MAP4K4: variants seen among roughly 807,000 people sequenced by gnomAD.
MAP4K4 encodes the protein mitogen-activated protein kinase kinase kinase kinase 4.
Under a neutral mutation model 189.6 loss-of-function variants are expected in MAP4K4, and 38 were observed. That is an observed-to-expected ratio of 0.20 (90% CI 0.15 to 0.26). The LOEUF is 0.26. Among genes scored for constraint, MAP4K4 ranks in the 10% least tolerant of loss-of-function variants. MAP4K4 has a pLI of 1.00. For synonymous variants in MAP4K4, 610 were observed against 624.3 expected, an observed-to-expected ratio of 0.98 and a Z score of 0.34; for missense variants, 1,054 against 1,726.9, an observed-to-expected ratio of 0.61 and a Z score of 6.91.
In MAP4K4 at chr2:101,887,954, GA is replaced by G; in HGVS notation, c.3931+20del. 2 of 1,566,204 alleles carry G rather than the reference GA, an allele frequency of 1.3e-6. No individual in the cohort carries two copies. The highest frequency in any genetic ancestry group is 1.2e-5 in the South Asian group (1 of 82,326). ...CATCAGTAGGTATGGAGAACTTGGG[GA>G]AAGGCAGCATTTGTGAAAATGGAGC... is the stretch of plus-strand genomic sequence containing the variant. On this transcript the variant is annotated intron_variant, in intron 31 of 32. Coordinates refer to ENST00000324219, the Ensembl canonical transcript of MAP4K4.
chr2:101,746,264 A>G (rs2149856679), intron 2 of MAP4K4, among the ~76,000 whole-genome samples: 1 of 149,182 alleles, frequency 6.7e-6, no homozygotes, highest in Admixed American at 6.7e-5. Context: ...TGTGATTGCA[A>G]GTGTGAGCCA....
At position 101,710,310 on chromosome 2, in the gene MAP4K4, A is replaced by C. The variant is rs923142239; in HGVS notation, c.123+11772A>C. On this transcript the variant is annotated intron_variant, in intron 2 of 32. Transcript: ENST00000324219. ...GCATATTAGAGCATCTTAGTTCTCT[A>C]TATGTACACATTTTCTCATTTATTC... Among the ~76,000 whole-genome samples, 42 of 152,334 alleles carry C rather than the reference A, an allele frequency of 2.8e-4. 1 individual carries two copies. Among genetic ancestry groups the C allele is most frequent in the African/African-American group, 1.0e-3 (42 of 41,572 alleles).
At chr2:101,829,509 G>A in exon 6 of MAP4K4, 1 of 1,607,484 alleles carries the variant, frequency 6.2e-7, no homozygotes, top group Non-Finnish European at 8.5e-7. Flanking sequence ...TTCAGGGACT[G>A]GCACATCTTC....
At chr2:101,829,380 G>A in intron 5 of MAP4K4, 124 bp from the exon 6 acceptor site, 1 of 635,504 alleles carries the variant, frequency 1.6e-6, no homozygotes, top group Non-Finnish European at 2.9e-6. Flanking sequence ...CTAAGACGAA[G>A]TTAATGTTCA....
intron 12 of MAP4K4, among the ~76,000 whole-genome samples, chr2:101,853,377 A>G (rs1460195683): frequency 6.6e-6 from 1 of 152,212 alleles, no homozygotes; most frequent in East Asian, 1.9e-4. Context: ...TTATCCTTGG[A>G]AAGAGAAGAT....
chr2:101,734,526 C>T (rs1277882050), intron 2 of MAP4K4, among the ~76,000 whole-genome samples: 1 of 152,166 alleles, frequency 6.6e-6, no homozygotes, highest in African/African-American at 2.4e-5. Context: ...CAGATACATA[C>T]CAGTTCAGCC....
At chr2:101,827,762 T>C (rs1052387006) in intron 5 of MAP4K4, among the ~76,000 whole-genome samples, 1 of 152,206 alleles carries the variant, frequency 6.6e-6, no homozygotes, top group African/African-American at 2.4e-5. Context: ...AGTATCTTCA[T>C]ATTGAACATG....
intron 3 of MAP4K4, among the ~76,000 whole-genome samples, chr2:101,791,885 A>T (rs2092932997): frequency 6.6e-6 from 1 of 152,214 alleles, no homozygotes; most frequent in Non-Finnish European, 1.5e-5. Flanking sequence ...TCTCTGTTAA[A>T]GAGAATAATG....
chr2:101,788,631 T>C (rs1028769328), intron 2 of MAP4K4, among the ~76,000 whole-genome samples: 64 of 152,166 alleles, frequency 4.2e-4, no homozygotes, highest in African/African-American at 1.5e-3. Context: ...TGTCACATGG[T>C]CTGGCCTCAT....
intron 3 of MAP4K4, among the ~76,000 whole-genome samples, chr2:101,793,656 T>A (rs1324692683): frequency 6.6e-6 from 1 of 151,820 alleles, no homozygotes; most frequent in Non-Finnish European, 1.5e-5. Context: ...AATCACAGAT[T>A]GGTTCTGACT....
intron 2 of MAP4K4, among the ~76,000 whole-genome samples, chr2:101,734,568 C>T (rs7597661): frequency 0.076 from 9,972 of 132,006 alleles, 407 homozygotes; most frequent in African/African-American, 0.14. Context: ...AGTGCTTGGT[C>T]GTTACCCATT....
At position 101,829,488 on chromosome 2, in the gene MAP4K4, T is replaced by C. The variant is rs2096524402; in HGVS notation, c.418-16T>C. On this transcript the variant is annotated splice_polypyrimidine_tract_variant and intron_variant, in intron 5 of 32. Coordinates refer to ENST00000324219, the Ensembl canonical transcript of MAP4K4. ...GTCACAGAAAACTAAAATTCAGGTC[T>C]GTCTTTCCTATTCAGGGACTGGCAC... 6.3e-7 allele frequency: 1 copy of C among 1,580,670 alleles called. No homozygotes were observed. The highest frequency in any genetic ancestry group is 8.7e-7 in the Non-Finnish European group (1 of 1,155,542).
At chr2:101,813,350 CG>C (rs559405186) in intron 3 of MAP4K4, among the ~76,000 whole-genome samples, 1 of 152,180 alleles carries the variant, frequency 6.6e-6, no homozygotes, top group South Asian at 2.1e-4. Context: ...TGTCTCAGAG[CG>C]AAAACACTAA....
intron 23 of MAP4K4, 91 bp from the exon 24 acceptor site, chr2:101,871,403 A>T: frequency 9.9e-7 from 1 of 1,006,438 alleles, no homozygotes; most frequent in Non-Finnish European, 1.4e-6. Context: ...AGAGTTTATA[A>T]GTCACACAGC....
intron 3 of MAP4K4, among the ~76,000 whole-genome samples, chr2:101,821,560 T>G (rs1576244200): frequency 6.6e-6 from 1 of 152,236 alleles, no homozygotes; most frequent in South Asian, 2.1e-4. Context: ...AAAAGTGGTA[T>G]TTCCGCATAG....
At chr2:101,873,940 C>A in intron 25 of MAP4K4, 142 bp from the exon 26 acceptor site, 1 of 818,506 alleles carries the variant, frequency 1.2e-6, no homozygotes, top group Non-Finnish European at 1.9e-6. Flanking sequence ...TTCCTTTTTC[C>A]ATATACATTG....
chr2:101,724,748 A>G (rs976624055), intron 2 of MAP4K4, among the ~76,000 whole-genome samples: 1 of 152,222 alleles, frequency 6.6e-6, no homozygotes, highest in Non-Finnish European at 1.5e-5. Flanking sequence ...TACTACTCCT[A>G]CATAGCTCTA....
intron 11 of MAP4K4, 27 bp downstream of exon 11, chr2:101,842,708 C>T (rs758507057): frequency 1.9e-6 from 3 of 1,574,638 alleles, no homozygotes; most frequent in Non-Finnish European, 2.6e-6. Flanking sequence ...TGTTCAGTAT[C>T]CTGCTTTATG....
intron 29 of MAP4K4, 31 bp from the exon 30 acceptor site, chr2:101,887,057 T>C: frequency 3.3e-6 from 4 of 1,215,492 alleles, no homozygotes; most frequent in Non-Finnish European, 4.5e-6. Flanking sequence ...TTCTCCTTCA[T>C]CTTCTCACTT....
Sources: allele counts gnomAD v4.1 joint callset (sites outside exome capture counted in the v4.1 genomes callset), GRCh38; gene constraint gnomAD v4.1.1; transcripts MANE v1.5; gene names NCBI Gene and HGNC (gene_info 2026-07-23, HGNC 2026-07-21).